RBPJ: variants seen among roughly 807,000 people sequenced by gnomAD.
RBPJ encodes recombination signal binding protein for immunoglobulin kappa J region.
A neutral mutation model predicts 67.8 loss-of-function variants in RBPJ; 9 were observed. The ratio of observed to expected loss-of-function variants is 0.13; its 90% CI spans 0.08 to 0.23. The LOEUF is 0.23. Ranked by LOEUF, RBPJ falls within the 10% of genes least tolerant of loss-of-function variation. The pLI is 1.00. For missense variants in RBPJ, 305 were observed against 595.6 expected, an observed-to-expected ratio of 0.51 and a Z score of 5.08; for synonymous variants, 198 against 203.3, an observed-to-expected ratio of 0.97 and a Z score of 0.22.
At position 26,403,505 on chromosome 4, in the gene RBPJ, A is replaced by G. The variant is rs150639565; in HGVS notation, c.60-2670A>G. Among the ~76,000 whole-genome samples the G allele has an allele frequency of 3.9e-5, 6 of 152,236 alleles. No individual in the cohort carries two copies. The East Asian group carries it at 1.2e-3, about 29-fold the overall frequency. On this transcript the variant is annotated intron_variant, in intron 2 of 10. Coordinates refer to ENST00000355476, the MANE Select transcript of RBPJ (RefSeq NM_015874.6). ...CCAGGTATTACGCCCAGTACCCAATAGTTATTTTTTCTGCTCCTCTCCCAC... is the reference window on the plus strand; with the variant it reads ...CCAGGTATTACGCCCAGTACCCAATGGTTATTTTTTCTGCTCCTCTCCCAC...
At chr4:26,375,224 G>C (rs1729586005) in intron 1 of RBPJ, among the ~76,000 whole-genome samples, 1 of 151,622 alleles carries the variant, frequency 6.6e-6, no homozygotes, top group Admixed American at 6.6e-5. Context: ...AGCCTGTGGA[G>C]GTTGCAGTGA....
chr4:26,424,563 G>T lies in RBPJ; in HGVS notation c.635-68G>T. 1 of 1,562,436 alleles carries T rather than the reference G, an allele frequency of 6.4e-7. No homozygotes were observed. Among genetic ancestry groups the T allele is most frequent in the Non-Finnish European group, 8.8e-7 (1 of 1,140,424 alleles). ...GAGATACATGGATATATTAAGTTTTGTCATTTGCCTAATCATAAAATAAAT... is the reference window on the plus strand; with the variant it reads ...GAGATACATGGATATATTAAGTTTTTTCATTTGCCTAATCATAAAATAAAT... On this transcript the variant is annotated intron_variant, in intron 6 of 10. Transcript: ENST00000355476. The surrounding 1 kb of genome is among the most constrained non-coding windows in gnomAD (Gnocchi z 5.3).
At chr4:26,170,941 T>C (rs931473862) in intron 1 of RBPJ, among the ~76,000 whole-genome samples, 4 of 152,208 alleles carry the variant, frequency 2.6e-5, no homozygotes, top group African/African-American at 9.6e-5. Context: ...TTAAAGGCAT[T>C]GTACGCAAAG....
intron 2 of RBPJ, among the ~76,000 whole-genome samples, chr4:26,389,704 G>C (rs1018632672): frequency 6.6e-5 from 10 of 151,770 alleles, no homozygotes; most frequent in Non-Finnish European, 1.5e-4. Flanking sequence ...TTCAACTTTT[G>C]AAGAAATGCA....
At chr4:26,364,503 T>C (rs1354461450) in intron 1 of RBPJ, among the ~76,000 whole-genome samples, 1 of 152,230 alleles carries the variant, frequency 6.6e-6, no homozygotes, top group African/African-American at 2.4e-5. Context: ...ACATTTCTTT[T>C]TGGGGTAGCA....
intron 1 of RBPJ, among the ~76,000 whole-genome samples, chr4:26,347,727 T>C (rs1234826841): frequency 6.6e-6 from 1 of 152,114 alleles, no homozygotes; most frequent in Non-Finnish European, 1.5e-5. Flanking sequence ...TTTAGATGCT[T>C]ATTGGAAGGA....
intron 1 of RBPJ, among the ~76,000 whole-genome samples, chr4:26,234,819 A>C (rs1304750847): frequency 6.6e-6 from 1 of 151,970 alleles, no homozygotes; most frequent in Non-Finnish European, 1.5e-5. Flanking sequence ...CAGCCTCCTA[A>C]GTAGCTGGGA....
At chr4:26,220,902 T>G (rs1226676127) in intron 1 of RBPJ, among the ~76,000 whole-genome samples, 1 of 152,230 alleles carries the variant, frequency 6.6e-6, no homozygotes, top group Admixed American at 6.5e-5. Context: ...AGGAAATTCA[T>G]CTGGGGCCCA....
chr4:26,278,853 T>C (rs1721163678), intron 1 of RBPJ, among the ~76,000 whole-genome samples: 1 of 152,176 alleles, frequency 6.6e-6, no homozygotes, highest in Non-Finnish European at 1.5e-5. Context: ...TGGTGGGAGT[T>C]CCACTTACAT....
intron 1 of RBPJ, among the ~76,000 whole-genome samples, chr4:26,379,449 GGGAGGCCTCA>G (rs1325904000): frequency 6.6e-6 from 1 of 152,080 alleles, no homozygotes; most frequent in East Asian, 1.9e-4. Context: ...TGCATGGCTG[GGGAGGCCTCA>G]GGAAACTTAC....
intron 1 of RBPJ, among the ~76,000 whole-genome samples, chr4:26,381,455 G>A (rs78505348): frequency 4.9e-4 from 74 of 152,174 alleles, no homozygotes; most frequent in African/African-American, 1.1e-3. Flanking sequence ...ATACTTCCAG[G>A]TGTATGAAAT....
At chr4:26,206,077 C>T (rs17771910) in intron 1 of RBPJ, among the ~76,000 whole-genome samples, 19,663 of 152,044 alleles carry the variant, frequency 0.13, 1,611 homozygotes, top group South Asian at 0.2. Flanking sequence ...TGGTAGTCTA[C>T]GTGAAAACAC....
In RBPJ at chr4:26,264,131, A is replaced by G. The variant is rs976120615; in HGVS notation, c.-166-98315A>G. Among the ~76,000 whole-genome samples the G allele has an allele frequency of 7.5e-6, 1 of 134,210 alleles. No individual in the cohort carries two copies. The highest frequency in any genetic ancestry group is 2.8e-5 in the African/African-American group (1 of 35,664). The allele number at this position is 134,210 out of a possible 152,430, so 88.0% of individuals were successfully genotyped here. A position where few individuals can be genotyped will look rare whatever the true frequency, so the allele number is the denominator to read the frequency against. ...ACTCTCGACTCAGGTGATCCACCCAACTCAACCTCCCAAAGTGCTGGGATT... is the reference window on the plus strand; with the variant it reads ...ACTCTCGACTCAGGTGATCCACCCAGCTCAACCTCCCAAAGTGCTGGGATT... On this transcript the variant is annotated intron_variant, in intron 1 of 4. Coordinates refer to the RBPJ transcript ENST00000512351. The surrounding 1 kb of genome is among the most constrained non-coding windows in gnomAD (Gnocchi z 4.1).
chr4:26,400,066 A>G (rs1440063236), intron 2 of RBPJ, among the ~76,000 whole-genome samples: 1 of 152,236 alleles, frequency 6.6e-6, no homozygotes, highest in African/African-American at 2.4e-5. Flanking sequence ...AAAGTATTCA[A>G]AAAAACAGTT....
chr4:26,390,777 G>C (rs1162891419), intron 2 of RBPJ, among the ~76,000 whole-genome samples: 1 of 152,176 alleles, frequency 6.6e-6, no homozygotes, highest in African/African-American at 2.4e-5. Context: ...GAAATGGGCT[G>C]GGTGTGATGG....
chr4:26,321,011 G>T (rs780774592), upstream of RBPJ: 2 of 1,613,758 alleles, frequency 1.2e-6, no homozygotes, highest in South Asian at 1.1e-5. Flanking sequence ...TTGGAGTTTT[G>T]GCGAGAGTTT....
chr4:26,380,134 G>A (rs1306250906), intron 1 of RBPJ, among the ~76,000 whole-genome samples: 3 of 152,056 alleles, frequency 2.0e-5, no homozygotes, highest in Non-Finnish European at 4.4e-5. Flanking sequence ...ACCTGTGGGT[G>A]GAGAATGAGT....
chr4:26,233,718 T>C (rs1173929256), intron 1 of RBPJ, among the ~76,000 whole-genome samples: 3 of 152,190 alleles, frequency 2.0e-5, no homozygotes, highest in Non-Finnish European at 4.4e-5. Flanking sequence ...AGCACTGATA[T>C]CAAACAAGAT....
chr4:26,270,410 AAAG>A (rs1720861841), intron 1 of RBPJ, among the ~76,000 whole-genome samples: 2 of 63,022 alleles, frequency 3.2e-5, no homozygotes, highest in African/African-American at 4.4e-5. Flanking sequence ...AGAAAGAAAG[AAAG>A]AAAGAAAGAA....
Sources: gnomAD v4.1 joint callset for allele counts (sites outside exome capture counted in the v4.1 genomes callset) on GRCh38, gnomAD v4.1.1 for gene constraint, Gnocchi (gnomAD v3.1) non-coding constraint, MANE v1.5 for transcripts, NCBI Gene and HGNC (gene_info 2026-07-23, HGNC 2026-07-21) for gene names.